ARHGAP39: variants seen among roughly 807,000 people sequenced by gnomAD.
ARHGAP39 encodes the protein Rho GTPase activating protein 39, also known as rho GTPase-activating protein 39.
In ARHGAP39, 44 loss-of-function variants were observed where a neutral mutation model predicts 106.9. The ratio of observed to expected loss-of-function variants is 0.41; its 90% confidence interval spans 0.32 to 0.53. ARHGAP39 has a LOEUF of 0.53. Ranked by LOEUF, ARHGAP39 falls within the 20% of genes least tolerant of loss-of-function variation. The pLI is 0.21. For synonymous variants in ARHGAP39, 768 were observed against 693.2 expected (o/e 1.11, Z -1.69); for missense variants, 1,496 against 1,577.3 (o/e 0.95, Z 0.87).
intron 4 of ARHGAP39, among the ~76,000 whole-genome samples, chr8:144,554,939 C>T (rs10110962): frequency 0.39 from 59,504 of 152,132 alleles, 13,452 homozygotes; most frequent in South Asian, 0.58. Context: ...GCCCATGCTG[C>T]GGACACCCAC....
intron 4 of ARHGAP39, among the ~76,000 whole-genome samples, chr8:144,552,799 C>CT (rs887777307): frequency 2.2e-3 from 321 of 146,990 alleles, no homozygotes; most frequent in African/African-American, 5.6e-3. Flanking sequence ...TTTATAATTT[C>CT]TTTTTTTTTT....
intron 2 of ARHGAP39, among the ~76,000 whole-genome samples, chr8:144,601,465 GGTGT>G (rs1263040854): frequency 1.5e-5 from 2 of 136,920 alleles, no homozygotes; most frequent in Non-Finnish European, 3.1e-5. Flanking sequence ...TGTGCGTGGA[GGTGT>G]GTGTGCGAGC....
chr8:144,666,467 G>C (rs920354246), intron 1 of ARHGAP39, among the ~76,000 whole-genome samples: 1 of 152,116 alleles, frequency 6.6e-6, no homozygotes, highest in Non-Finnish European at 1.5e-5. Context: ...AATGTGAATT[G>C]TATCTCCCAG....
chr8:144,618,038 T>C (rs1310280571), intron 1 of ARHGAP39, among the ~76,000 whole-genome samples: 1 of 152,218 alleles, frequency 6.6e-6, no homozygotes, highest in Non-Finnish European at 1.5e-5. Context: ...TGCCTCGGCC[T>C]CCCAAAGTGC....
intron 1 of ARHGAP39, among the ~76,000 whole-genome samples, chr8:144,624,798 G>A (rs1278033681): frequency 1.2e-4 from 1 of 8,694 alleles, no homozygotes; most frequent in Admixed American, 7.6e-4. Flanking sequence ...TGCACACTGC[G>A]GCAGCCCCTG....
chr8:144,565,004 G>A (rs1401880781), intron 3 of ARHGAP39, among the ~76,000 whole-genome samples: 3 of 152,124 alleles, frequency 2.0e-5, no homozygotes, highest in South Asian at 4.1e-4. Flanking sequence ...TAGCTACTCG[G>A]GAGGCTGAGA....
chr8:144,683,997 T>G (rs1319560031), intron 1 of ARHGAP39, among the ~76,000 whole-genome samples: 1 of 152,156 alleles, frequency 6.6e-6, no homozygotes, highest in Non-Finnish European at 1.5e-5. Flanking sequence ...GAGGCCAATA[T>G]TATTAGTGTT....
At chr8:144,665,702 G>A (rs376581245) in intron 1 of ARHGAP39, among the ~76,000 whole-genome samples, 1 of 152,250 alleles carries the variant, frequency 6.6e-6, no homozygotes, top group African/African-American at 2.4e-5. Context: ...GTGCACAGAA[G>A]TCAAGAATTG....
chr8:144,696,242 G>A, the ARHGAP39 span, among the ~76,000 whole-genome samples: 1 of 152,102 alleles, frequency 6.6e-6, no homozygotes, highest in Non-Finnish European at 1.5e-5. Context: ...GGGTTCAAGC[G>A]ATTCTCATGC....
chr8:144,562,890 C>T (rs753606181), intron 3 of ARHGAP39, among the ~76,000 whole-genome samples: 9 of 152,232 alleles, frequency 5.9e-5, no homozygotes, highest in Non-Finnish European at 1.2e-4. Context: ...TGGTTTCCAT[C>T]GGACTCCAGT....
At chr8:144,562,236 T>C (rs1441752867) in intron 3 of ARHGAP39, among the ~76,000 whole-genome samples, 1 of 148,000 alleles carries the variant, frequency 6.8e-6, no homozygotes, top group African/African-American at 2.5e-5. Flanking sequence ...ACCCCAGTGG[T>C]TTCCATCACA....
At chr8:144,648,701 C>A (rs933483614) in intron 1 of ARHGAP39, among the ~76,000 whole-genome samples, 1 of 152,174 alleles carries the variant, frequency 6.6e-6, no homozygotes, top group African/African-American at 2.4e-5. Context: ...CAATGAATCT[C>A]TTGAGGAACT....
chr8:144,584,931 A>G (rs1446386945), intron 2 of ARHGAP39, among the ~76,000 whole-genome samples: 2 of 152,172 alleles, frequency 1.3e-5, no homozygotes, highest in Non-Finnish European at 2.9e-5. Context: ...TGCTTCAGGC[A>G]TATGTCAAAG....
At chr8:144,576,161 T>C (rs1305880226) in intron 3 of ARHGAP39, among the ~76,000 whole-genome samples, 2 of 151,518 alleles carry the variant, frequency 1.3e-5, no homozygotes, top group African/African-American at 2.4e-5. Context: ...GGTGAAACCG[T>C]GTCTCTACTA....
Position 144,530,584 on chromosome 8 carries a change from G to C in ARHGAP39, c.3183C>G (p.Thr1061=). The C allele has an allele frequency of 6.2e-7, 1 of 1,611,486 alleles. No individual in the cohort carries two copies. The highest frequency in any genetic ancestry group is 2.2e-5 in the East Asian group (1 of 44,818). ...TGGCCAGGTTGCTGACATCCATCTT[G>C]GTGACCGCGACGTTGGCCGGCTGCA... ...VFVQPANVAV[T]KMDVSNLAMV... is the part of the protein sequence containing the mutation. Residue 1061 remains threonine, a synonymous_variant, in exon 12 of 12, where the codon ACC becomes ACG. Coordinates refer to ENST00000377307, the MANE Select transcript of ARHGAP39 (RefSeq NM_025251.3).
intron 1 of ARHGAP39, among the ~76,000 whole-genome samples, chr8:144,650,614 T>A (rs996676366): frequency 3.9e-5 from 6 of 152,158 alleles, no homozygotes; most frequent in African/African-American, 1.4e-4. Context: ...TGCAAATCAA[T>A]AAATGTGATT....
At chr8:144,675,645 C>G (rs1049854420) in intron 1 of ARHGAP39, among the ~76,000 whole-genome samples, 1 of 142,550 alleles carries the variant, frequency 7.0e-6, no homozygotes, top group Non-Finnish European at 1.5e-5. Flanking sequence ...TGGAGTTGTT[C>G]GTTCCTGCCG....
chr8:144,578,288 G>A (rs891436280), intron 3 of ARHGAP39, among the ~76,000 whole-genome samples: 4 of 152,188 alleles, frequency 2.6e-5, no homozygotes, highest in Non-Finnish European at 4.4e-5. Context: ...GGGTACAGTG[G>A]TGCGATCTCG....
At chr8:144,557,826 G>A (rs1453336588) in intron 3 of ARHGAP39, among the ~76,000 whole-genome samples, 1 of 152,204 alleles carries the variant, frequency 6.6e-6, no homozygotes, top group African/African-American at 2.4e-5. Flanking sequence ...GTCAGGGCAA[G>A]AATTATTTAT....
Sources: allele counts gnomAD v4.1 joint callset (sites outside exome capture counted in the v4.1 genomes callset), GRCh38; gene constraint gnomAD v4.1.1; transcripts MANE v1.5; gene names NCBI Gene and HGNC (gene_info 2026-07-23, HGNC 2026-07-21).